The following DGKB variants were observed in gnomAD, a reference collection of about 807,000 sequenced individuals.
DGKB encodes the protein diacylglycerol kinase beta.
Under a neutral mutation model 114.3 loss-of-function variants are expected in DGKB, and 67 were observed. The ratio of observed to expected loss-of-function variants is 0.59; its 90% confidence interval spans 0.48 to 0.72. The LOEUF (loss-of-function observed/expected upper bound fraction) is 0.72, where lower values mean the gene tolerates loss of function less well. Ranked by LOEUF, DGKB falls within the 30% of genes least tolerant of loss-of-function variation. The pLI, the probability that DGKB is intolerant of heterozygous loss-of-function variation, is 0.00. For missense variants in DGKB, 907 were observed against 975.2 expected, an observed-to-expected ratio of 0.93 and a Z score of 0.93; for synonymous variants, 398 against 323.1, an observed-to-expected ratio of 1.23 and a Z score of -2.49.
chr7:14,294,548 G>A (rs1802238113), intron 23 of DGKB, among the ~76,000 whole-genome samples: 1 of 152,162 alleles, frequency 6.6e-6, no homozygotes, highest in South Asian at 2.1e-4. Context: ...AGTATAAGGT[G>A]AGAGAAACAT....
intron 21 of DGKB, among the ~76,000 whole-genome samples, chr7:14,429,436 GA>G (rs1464634636): frequency 6.6e-6 from 1 of 152,112 alleles, no homozygotes; most frequent in African/African-American, 2.4e-5. Flanking sequence ...CAAGCCTCCA[GA>G]ACTGTGAGTA....
At chr7:14,737,270 C>T (rs1249123512) in intron 4 of DGKB, among the ~76,000 whole-genome samples, 1 of 146,064 alleles carries the variant, frequency 6.8e-6, no homozygotes, top group Non-Finnish European at 1.5e-5. Context: ...TTATAGGTAG[C>T]CCTTGAAGGC....
intron 2 of DGKB, among the ~76,000 whole-genome samples, chr7:14,759,856 C>T (rs571463560): frequency 4.6e-5 from 7 of 152,288 alleles, no homozygotes; most frequent in African/African-American, 1.7e-4. Flanking sequence ...AACAGCTACA[C>T]CATTTTACAC....
At chr7:14,930,209 T>G (rs1226419155) in intron 1 of DGKB, among the ~76,000 whole-genome samples, 1 of 152,136 alleles carries the variant, frequency 6.6e-6, no homozygotes, top group Non-Finnish European at 1.5e-5. Context: ...CTTTTGGGTC[T>G]TTTTGGTTCC....
chr7:14,301,227 TAAAC>T (rs1302163167), intron 23 of DGKB, among the ~76,000 whole-genome samples: 1 of 152,106 alleles, frequency 6.6e-6, no homozygotes, highest in East Asian at 1.9e-4. Context: ...ATTAAAATGT[TAAAC>T]AATAACACCA....
At position 14,175,564 on chromosome 7, in the gene DGKB, C is replaced by T. The variant is rs573790395; in HGVS notation, c.2304+1275G>A. On this transcript the variant is annotated intron_variant, in intron 25 of 25. Transcript: ENST00000402815. The stretch of plus-strand genomic sequence containing the variant: ...CCCAAGCCCAGAGTACTAGGATAGA[C>T]CAATCTCTCAGTTGCTGCTCAATAC... Among the ~76,000 whole-genome samples the T allele has an allele frequency of 3.9e-5, 6 of 152,248 alleles. No homozygotes were observed. The East Asian group carries it at 9.7e-4, about 25-fold the overall frequency.
intron 21 of DGKB, among the ~76,000 whole-genome samples, chr7:14,435,982 A>G (rs965818460): frequency 2.0e-5 from 3 of 152,108 alleles, no homozygotes; most frequent in African/African-American, 7.2e-5. Flanking sequence ...GGGAAATTCA[A>G]TAGAAATTAT....
At chr7:14,574,467 C>A in intron 19 of DGKB, 95 bp from the exon 20 acceptor site, 1 of 1,007,180 alleles carries the variant, frequency 9.9e-7, no homozygotes, top group South Asian at 1.7e-5. Context: ...ATGTAATATT[C>A]TAAAGGTAAA....
chr7:14,233,452 T>G lies in DGKB; in HGVS notation c.2123-55301A>C, dbSNP rs1792228614. ...AAATTGAGTCCCAGAATTTCCTTTT[T>G]GCTATCTTGCAAGCGTAAAGTGGGT... On this transcript the variant is annotated intron_variant, in intron 23 of 25. Coordinates refer to ENST00000402815, the MANE Select transcript of DGKB (RefSeq NM_001350709.2). 2.0e-5 allele frequency among the ~76,000 whole-genome samples: 3 copies of G among 152,040 alleles called. No homozygotes were observed. In the South Asian group the frequency reaches 6.2e-4, roughly 32 times the overall value.
chr7:14,529,864 T>C (rs1791274248), intron 20 of DGKB, among the ~76,000 whole-genome samples: 1 of 151,744 alleles, frequency 6.6e-6, no homozygotes, highest in South Asian at 2.1e-4. Flanking sequence ...TACACTATAA[T>C]AAAGTATGAA....
Position 14,693,973 on chromosome 7 carries a change from G to C in DGKB, c.711+102C>G, listed in dbSNP as rs149279360. The C allele has an allele frequency of 9.5e-6, 13 of 1,370,464 alleles. 1 individual carries two copies. The East Asian group carries it at 3.0e-4, about 32-fold the overall frequency. The allele number at this position is 1,370,464 out of a possible 1,614,324, so 84.9% of individuals were successfully genotyped here. A position where few individuals can be genotyped will look rare whatever the true frequency, so the allele number is the denominator to read the frequency against. The stretch of plus-strand genomic sequence containing the variant: ...TAAAAGTTCCAGGCACTCACTGCAT[G>C]CTTAATGGTAGAAAATGGTCACATC... On this transcript the variant is annotated intron_variant, in intron 9 of 25. Transcript: ENST00000402815.
chr7:14,154,652 CTAAG>C (rs774579460), intron 25 of DGKB, among the ~76,000 whole-genome samples: 13 of 151,420 alleles, frequency 8.6e-5, no homozygotes, highest in Non-Finnish European at 1.3e-4. Flanking sequence ...TTCTATAGCA[CTAAG>C]TAAGTAGAGT....
chr7:14,295,692 T>A (rs950289601), intron 23 of DGKB, among the ~76,000 whole-genome samples: 2 of 152,078 alleles, frequency 1.3e-5, no homozygotes, highest in African/African-American at 4.8e-5. Context: ...TCCACCTGGT[T>A]CCAAGACTTT....
intron 2 of DGKB, among the ~76,000 whole-genome samples, chr7:14,794,433 C>A (rs1308897983): frequency 1.3e-5 from 2 of 152,106 alleles, no homozygotes; most frequent in Admixed American, 1.3e-4. Flanking sequence ...GTATAAAATA[C>A]TTTTGAAGAT....
At chr7:14,218,228 G>C (rs984644376) in intron 23 of DGKB, among the ~76,000 whole-genome samples, 2 of 152,026 alleles carry the variant, frequency 1.3e-5, no homozygotes, top group African/African-American at 4.8e-5. Context: ...AAGAGGAAAA[G>C]AAATGGAGAA....
At chr7:14,903,026 C>T (rs1432511000), upstream of DGKB, 2 of 152,196 alleles carry the variant, frequency 1.3e-5, no homozygotes, top group African/African-American at 2.4e-5. Flanking sequence ...CGCGTCCACC[C>T]CCAGTCCTCC....
intron 21 of DGKB, among the ~76,000 whole-genome samples, chr7:14,378,427 T>C (rs1043662826): frequency 6.6e-6 from 1 of 152,242 alleles, no homozygotes; most frequent in Non-Finnish European, 1.5e-5. Context: ...TAGGGAAAAG[T>C]AGATAAAATG....
intron 13 of DGKB, among the ~76,000 whole-genome samples, chr7:14,656,298 A>T (rs921041046): frequency 6.6e-6 from 1 of 151,644 alleles, no homozygotes; most frequent in African/African-American, 2.4e-5. Context: ...CAGCAATTTC[A>T]ATGTACCTTC....
intron 20 of DGKB, among the ~76,000 whole-genome samples, chr7:14,553,452 T>C (rs1057364192): frequency 3.9e-5 from 6 of 151,936 alleles, no homozygotes; most frequent in African/African-American, 1.5e-4. Flanking sequence ...TATAAGTAAG[T>C]GAAGGAAAGG....
Sources: allele counts gnomAD v4.1 joint callset (sites outside exome capture counted in the v4.1 genomes callset), GRCh38; gene constraint gnomAD v4.1.1; transcripts MANE v1.5; gene names NCBI Gene and HGNC (gene_info 2026-07-23, HGNC 2026-07-21).